Variants in NOTCH2NLC observed in about 807,000 individuals in gnomAD.
The protein encoded by NOTCH2NLC is notch 2 N-terminal like C.
A neutral mutation model predicts 17.7 loss-of-function variants in NOTCH2NLC; 4 were observed. That is an observed-to-expected ratio of 0.23 (90% confidence interval 0.11 to 0.52). NOTCH2NLC has a LOEUF of 0.52. Among genes scored for constraint, NOTCH2NLC ranks in the 20% least tolerant of loss-of-function variants. The probability of loss-of-function intolerance (pLI) is 0.96; values close to 1 mark genes in which losing one functional copy is unlikely to be tolerated. For synonymous variants in NOTCH2NLC, 18 were observed against 86.0 expected, an observed-to-expected ratio of 0.21 and a Z score of 4.38; for missense variants, 57 against 207.2, an observed-to-expected ratio of 0.28 and a Z score of 4.45.
intron 2 of NOTCH2NLC, among the ~76,000 whole-genome samples, chr1:149,440,073 G>A: frequency 6.7e-6 from 1 of 149,660 alleles, no homozygotes; most frequent in Admixed American, 6.7e-5. Flanking sequence ...TGAGGAGAAA[G>A]GTAGGTGTTA....
intron 1 of NOTCH2NLC, among the ~76,000 whole-genome samples, chr1:149,424,757 C>T (rs1570908571): frequency 1.3e-5 from 2 of 151,066 alleles, no homozygotes; most frequent in African/African-American, 4.9e-5. Flanking sequence ...AAGTTTAGAG[C>T]CAACATCTGC....
intron 2 of NOTCH2NLC, among the ~76,000 whole-genome samples, chr1:149,448,950 T>C (rs1389004652): frequency 6.8e-6 from 1 of 146,264 alleles, no homozygotes; most frequent in Non-Finnish European, 1.5e-5. Flanking sequence ...GGCGCGATCT[T>C]GGCTCACTGC....
At chr1:149,391,033 C>T in intron 1 of NOTCH2NLC, 111 bp downstream of exon 1, 2 of 969,996 alleles carry the variant, frequency 2.1e-6, no homozygotes, top group South Asian at 2.8e-5. Context: ...CGGCCGCCGG[C>T]GCGGAGCGAG....
At chr1:149,430,801 A>G in intron 1 of NOTCH2NLC, 141 bp from the exon 2 acceptor site, 1 of 431,304 alleles carries the variant, frequency 2.3e-6, no homozygotes, top group Admixed American at 3.7e-5. Flanking sequence ...AACATAAAAA[A>G]CTGATTAAAA....
chr1:149,398,631 C>G (rs1442594470), intron 1 of NOTCH2NLC, among the ~76,000 whole-genome samples: 4 of 151,142 alleles, frequency 2.6e-5, no homozygotes, highest in Non-Finnish European at 5.9e-5. Context: ...TGAACAAGCT[C>G]TTGGGGGTTC....
At chr1:149,424,496 G>A (rs1376602430) in intron 1 of NOTCH2NLC, among the ~76,000 whole-genome samples, 3 of 150,950 alleles carry the variant, frequency 2.0e-5, no homozygotes, top group Non-Finnish European at 4.4e-5. Context: ...TTCATGCAGT[G>A]CCTAGTAGGG....
chr1:149,432,471 A>C (rs1377375870), intron 2 of NOTCH2NLC, among the ~76,000 whole-genome samples: 2 of 151,084 alleles, frequency 1.3e-5, no homozygotes, highest in African/African-American at 2.4e-5. Flanking sequence ...TGGAGGAAAA[A>C]AAAACATGTG....
intron 1 of NOTCH2NLC, among the ~76,000 whole-genome samples, chr1:149,424,745 A>G (rs1426603496): frequency 2.6e-5 from 4 of 151,352 alleles, no homozygotes; most frequent in African/African-American, 9.7e-5. Context: ...ATATTGTACA[A>G]GAAGTTTAGA....
At chr1:149,395,591 TA>T (rs2084200176) in intron 1 of NOTCH2NLC, among the ~76,000 whole-genome samples, 1 of 149,978 alleles carries the variant, frequency 6.7e-6, no homozygotes, top group Non-Finnish European at 1.5e-5. Context: ...TGTATTACTG[TA>T]TTACTAGGCC....
In NOTCH2NLC at chr1:149,464,727, A is replaced by G. The variant is rs2084674727; in HGVS notation, c.*574A>G. The G allele has an allele frequency of 6.6e-6, 1 of 150,612 alleles. No homozygotes were observed. The highest frequency in any genetic ancestry group is 2.0e-4 in the East Asian group (1 of 4,950). 9.3% of individuals were successfully genotyped at this position (150,612 alleles called of 1,614,324 possible). ...AAGCAGATGAATTACTAAGCAACAAAGATCCTGTTTTTATACAAATATCCT... is the reference window on the plus strand; with the variant it reads ...AAGCAGATGAATTACTAAGCAACAAGGATCCTGTTTTTATACAAATATCCT... On this transcript the variant is annotated 3_prime_UTR_variant, in exon 5 of 5. Coordinates refer to ENST00000650865, the MANE Select transcript of NOTCH2NLC (RefSeq NM_001364013.2).
At position 149,444,847 on chromosome 1, in the gene NOTCH2NLC, A is replaced by G. The variant is rs1416920652; in HGVS notation, c.210-10471A>G. Among the ~76,000 whole-genome samples, 13 of 144,430 alleles carry G rather than the reference A, an allele frequency of 9.0e-5. 1 individual carries two copies. The highest frequency in any genetic ancestry group is 3.1e-4 in the African/African-American group (12 of 39,184). 94.8% of individuals were successfully genotyped at this position (144,430 alleles called of 152,430 possible). On this transcript the variant is annotated intron_variant, in intron 2 of 4. Coordinates refer to ENST00000650865, the MANE Select transcript of NOTCH2NLC (RefSeq NM_001364013.2). ...ACACTAGAAAGTGTGTTTTACCACA[A>G]GCGTCCCAGTTCTGGACACCAATCT...
rs1349511439 is a variant in NOTCH2NLC, at chr1:149,416,036, T to C, written c.136-14906T>C. Reference sequence around the variant, plus strand: ...AGGAAAACAGAGGAGTGATCTTTTTTAATATGTCATTATTTTCTATAGTTC... The same window carrying C: ...AGGAAAACAGAGGAGTGATCTTTTTCAATATGTCATTATTTTCTATAGTTC... On this transcript the variant is annotated intron_variant, in intron 1 of 4. Transcript: ENST00000650865. Among the ~76,000 whole-genome samples the C allele has an allele frequency of 2.7e-5, 4 of 148,914 alleles. 1 individual carries two copies. The highest frequency in any genetic ancestry group is 6.0e-5 in the Non-Finnish European group (4 of 66,916).
At chr1:149,398,072 T>C (rs1360469914) in intron 1 of NOTCH2NLC, among the ~76,000 whole-genome samples, 8 of 150,784 alleles carry the variant, frequency 5.3e-5, no homozygotes, top group Admixed American at 5.3e-4. Flanking sequence ...GAAAGCAGTT[T>C]CCTGCAGTCA....
intron 2 of NOTCH2NLC, among the ~76,000 whole-genome samples, chr1:149,440,157 C>A (rs1441505110): frequency 6.7e-6 from 1 of 150,352 alleles, no homozygotes; most frequent in Non-Finnish European, 1.5e-5. Flanking sequence ...AGATTCAGGT[C>A]ATTTTCCTGC....
chr1:149,445,092 A>G (rs1271388028), intron 2 of NOTCH2NLC, among the ~76,000 whole-genome samples: 2 of 132,938 alleles, frequency 1.5e-5, no homozygotes, highest in Non-Finnish European at 3.2e-5. Context: ...AAAGTTGGTA[A>G]TTAGCATAAC....
At chr1:149,433,882 A>G (rs2084468043) in intron 2 of NOTCH2NLC, among the ~76,000 whole-genome samples, 1 of 150,258 alleles carries the variant, frequency 6.7e-6, no homozygotes, top group Non-Finnish European at 1.5e-5. Flanking sequence ...CAGGAGGCGG[A>G]GCTTGCAGTG....
rs1559611427 is a variant in NOTCH2NLC at position 149,460,891 on chromosome 1, CT to C, written c.470-2597del. On this transcript the variant is annotated intron_variant, in intron 3 of 4. Coordinates refer to ENST00000650865, the MANE Select transcript of NOTCH2NLC (RefSeq NM_001364013.2). ...TCTTTCTTTCTTTCTTTCTTTCTTT[CT>C]TTCTTTCTTTCTTTCTTTCTTTCTC... 9.8e-3 allele frequency among the ~76,000 whole-genome samples: 1,292 copies of C among 131,858 alleles called. 48 individuals are homozygous for C. Among genetic ancestry groups the C allele is most frequent in the Non-Finnish European group, 0.018 (1,062 of 59,700 alleles). The allele number at this position is 131,858 out of a possible 152,430, so 86.5% of individuals were successfully genotyped here.
rs1395913080 is a variant in NOTCH2NLC, at chr1:149,417,151, C to T, written c.136-13791C>T. ...TTGAGACAGAGTCTCGCTCTTTCGC[C>T]CAGGCTGGAGTGCAGTGGCGCGATC... On this transcript the variant is annotated intron_variant, in intron 1 of 4. Transcript: ENST00000650865. Among the ~76,000 whole-genome samples, 7 of 134,766 alleles carry T rather than the reference C, an allele frequency of 5.2e-5. No individual in the cohort carries two copies. In the East Asian group the frequency reaches 1.6e-3, roughly 31 times the overall value. 88.4% of individuals were successfully genotyped at this position (134,766 alleles called of 152,430 possible).
rs1190397401 is a variant in NOTCH2NLC, at chr1:149,433,490, A to G, written c.209+2475A>G. Among the ~76,000 whole-genome samples, 48 of 150,620 alleles carry G rather than the reference A, an allele frequency of 3.2e-4. 1 individual carries two copies. The highest frequency in any genetic ancestry group is 1.1e-3 in the African/African-American group (47 of 41,078). ...ACTTCACATAGCATTCAGGGTGGTAATACCATACAGAGAGGCAAATTGGTT... is the reference window on the plus strand; with the variant it reads ...ACTTCACATAGCATTCAGGGTGGTAGTACCATACAGAGAGGCAAATTGGTT... On this transcript the variant is annotated intron_variant, in intron 2 of 4. Coordinates refer to ENST00000650865, the MANE Select transcript of NOTCH2NLC (RefSeq NM_001364013.2).
Sources: gnomAD v4.1 joint callset for allele counts (sites outside exome capture counted in the v4.1 genomes callset) on GRCh38, gnomAD v4.1.1 for gene constraint, MANE v1.5 for transcripts, NCBI Gene and HGNC (gene_info 2026-07-23, HGNC 2026-07-21) for gene names.